The following ATG10 variants were observed in gnomAD, a reference collection of about 807,000 sequenced individuals.
ATG10 encodes autophagy related 10, also known as ubiquitin-like-conjugating enzyme ATG10.
In ATG10, 30 loss-of-function variants were observed where a neutral mutation model predicts 32.1. The ratio of observed to expected loss-of-function variants is 0.94; its 90% CI spans 0.70 to 1.27. The LOEUF (loss-of-function observed/expected upper bound fraction) is 1.27, where lower values mean the gene tolerates loss of function less well. Ranked by LOEUF, ATG10 falls within the 50% of genes most tolerant of loss-of-function variation. ATG10 has a pLI of 0.00. For missense variants in ATG10, 233 were observed against 262.3 expected, an observed-to-expected ratio of 0.89 and a Z score of 0.77; for synonymous variants, 87 against 91.5, an observed-to-expected ratio of 0.95 and a Z score of 0.28.
intron 2 of ATG10, among the ~76,000 whole-genome samples, chr5:82,022,022 CAAA>C (rs1218669453): frequency 1.8e-4 from 20 of 109,816 alleles, no homozygotes; most frequent in African/African-American, 5.7e-4. Context: ...GACGCTGTCT[CAAA>C]AAAAAAAAAA....
intron 2 of ATG10, among the ~76,000 whole-genome samples, chr5:82,058,084 A>C (rs1053848567): frequency 2.6e-5 from 4 of 152,220 alleles, no homozygotes; most frequent in Non-Finnish European, 5.9e-5. Flanking sequence ...CTTGAGAAAG[A>C]AATTGAAATG....
At chr5:82,177,010 T>C (rs1207325735) in intron 4 of ATG10, among the ~76,000 whole-genome samples, 1 of 152,218 alleles carries the variant, frequency 6.6e-6, no homozygotes, top group Admixed American at 6.5e-5. Context: ...AAAGATGATA[T>C]GCACGGTATA....
intron 5 of ATG10, among the ~76,000 whole-genome samples, chr5:82,189,620 T>C (rs1029097746): frequency 3.3e-5 from 5 of 152,168 alleles, no homozygotes; most frequent in Non-Finnish European, 7.4e-5. Context: ...TTTAACTTTG[T>C]TTTTGTTTTT....
At chr5:82,061,662 TATAC>T (rs1763777830) in intron 3 of ATG10, among the ~76,000 whole-genome samples, 1 of 149,238 alleles carries the variant, frequency 6.7e-6, no homozygotes, top group Non-Finnish European at 1.5e-5. Flanking sequence ...ATATGTGTAT[TATAC>T]ATATATACTA....
At chr5:82,022,579 TC>T (rs35759085) in intron 2 of ATG10, among the ~76,000 whole-genome samples, 50 of 151,238 alleles carry the variant, frequency 3.3e-4, no homozygotes, top group African/African-American at 1.0e-3. Flanking sequence ...TGCCTCAGCA[TC>T]CCAAAGTGCT....
intron 5 of ATG10, among the ~76,000 whole-genome samples, chr5:82,241,523 T>A (rs1290568260): frequency 6.6e-6 from 1 of 152,158 alleles, no homozygotes; most frequent in Non-Finnish European, 1.5e-5. Flanking sequence ...TTACTTCCAC[T>A]GTCATTCCTC....
At position 82,255,492 on chromosome 5, in the gene ATG10, T is replaced by G. The variant is rs1216070089; in HGVS notation, c.*1429T>G. ...TGGCTTTTTAGAGAGTCTAGATTAG[T>G]GTGTCTTTGAATGAGGGATATACTT... On this transcript the variant is annotated 3_prime_UTR_variant, in exon 8 of 8. Coordinates refer to ENST00000282185, the MANE Select transcript of ATG10 (RefSeq NM_031482.5). The G allele has an allele frequency of 6.6e-6, 1 of 152,158 alleles. No homozygotes were observed. The highest frequency in any genetic ancestry group is 1.9e-4 in the East Asian group (1 of 5,198). The allele number at this position is 152,158 out of a possible 1,614,324, so 9.4% of individuals were successfully genotyped here.
chr5:82,217,461 A>T (rs1745734309), intron 5 of ATG10, among the ~76,000 whole-genome samples: 1 of 152,268 alleles, frequency 6.6e-6, no homozygotes, highest in South Asian at 2.1e-4. Flanking sequence ...TATAATTCTT[A>T]TAAGGTATAA....
intron 5 of ATG10, among the ~76,000 whole-genome samples, chr5:82,191,064 C>T (rs1378792271): frequency 1.3e-5 from 2 of 152,076 alleles, no homozygotes; most frequent in Non-Finnish European, 2.9e-5. Flanking sequence ...TTCTAAGATG[C>T]CAGCAGTGTC....
intron 2 of ATG10, among the ~76,000 whole-genome samples, chr5:82,038,418 A>T (rs1358527782): frequency 6.6e-6 from 1 of 152,232 alleles, no homozygotes; most frequent in African/African-American, 2.4e-5. Flanking sequence ...TGCGGAGTTA[A>T]GTGTGGAATT....
Position 82,065,481 on chromosome 5 carries a change from C to CA in ATG10, c.216+6893dup, listed in dbSNP as rs770536685. Among the ~76,000 whole-genome samples, 1,165 of 119,352 alleles carry CA rather than the reference C, an allele frequency of 9.8e-3. 7 individuals carry two copies. The highest frequency in any genetic ancestry group is 0.018 in the African/African-American group (571 of 32,284). 78.3% of individuals were successfully genotyped at this position (119,352 alleles called of 152,430 possible). A position where few individuals can be genotyped will look rare whatever the true frequency, so the allele number is the denominator to read the frequency against. Reference sequence around the variant, plus strand: ...TGGGCGAGAGAGCAAGACATTGTCTCAAAAAAAAAAAAAATCCTAAAAATA... The same window carrying CA: ...TGGGCGAGAGAGCAAGACATTGTCTCAAAAAAAAAAAAAAATCCTAAAAATA... On this transcript the variant is annotated intron_variant, in intron 3 of 7. Transcript: ENST00000282185.
intron 2 of ATG10, among the ~76,000 whole-genome samples, chr5:82,031,452 C>T (rs554330377): frequency 6.6e-6 from 1 of 152,234 alleles, no homozygotes; most frequent in South Asian, 2.1e-4. Flanking sequence ...CTTGGGGCCA[C>T]AGAGGTGAAG....
intron 5 of ATG10, among the ~76,000 whole-genome samples, chr5:82,231,505 T>A (rs985211190): frequency 6.6e-6 from 1 of 152,220 alleles, no homozygotes; most frequent in Non-Finnish European, 1.5e-5. Flanking sequence ...GAGCGTATGA[T>A]TTCTCAATAC....
intron 3 of ATG10, among the ~76,000 whole-genome samples, chr5:82,138,109 A>C (rs1426060965): frequency 6.6e-6 from 1 of 152,182 alleles, no homozygotes; most frequent in East Asian, 1.9e-4. Flanking sequence ...TTGACTTCAG[A>C]CTGCTGTGCT....
chr5:82,108,421 C>G lies in ATG10; in HGVS notation c.216+49819C>G, dbSNP rs1765505759. 1.3e-5 allele frequency among the ~76,000 whole-genome samples: 2 copies of G among 151,576 alleles called. 1 individual carries two copies. The highest frequency in any genetic ancestry group is 4.8e-5 in the African/African-American group (2 of 41,288). On this transcript the variant is annotated intron_variant, in intron 3 of 7. Transcript: ENST00000282185. ...ACACAGTATATGCAATAATACTGCT[C>G]TTATATAATATTTATGTACATATCA...
intron 3 of ATG10, among the ~76,000 whole-genome samples, chr5:82,109,714 C>A (rs1318470275): frequency 6.6e-6 from 1 of 151,588 alleles, no homozygotes; most frequent in Non-Finnish European, 1.5e-5. Context: ...GAATTTTCTT[C>A]CCTTTCTAAT....
intron 5 of ATG10, among the ~76,000 whole-genome samples, chr5:82,187,405 G>A (rs1476050324): frequency 6.6e-6 from 1 of 151,076 alleles, no homozygotes; most frequent in Non-Finnish European, 1.5e-5. Flanking sequence ...CAGCTACTTG[G>A]GAGGGTGAGG....
At chr5:82,108,001 T>C (rs1043812823) in intron 3 of ATG10, among the ~76,000 whole-genome samples, 9 of 151,996 alleles carry the variant, frequency 5.9e-5, no homozygotes, top group Non-Finnish European at 1.2e-4. Flanking sequence ...AGATAGAACC[T>C]GGTTGATAGA....
chr5:81,986,570 T>C (rs1352594049), intron 1 of ATG10, among the ~76,000 whole-genome samples: 1 of 152,138 alleles, frequency 6.6e-6, no homozygotes, highest in Non-Finnish European at 1.5e-5. Flanking sequence ...TAGATTATAC[T>C]GAATTTGAAT....
Sources: gnomAD v4.1 joint callset for allele counts (sites outside exome capture counted in the v4.1 genomes callset) on GRCh38, gnomAD v4.1.1 for gene constraint, MANE v1.5 for transcripts, NCBI Gene and HGNC (gene_info 2026-07-23, HGNC 2026-07-21) for gene names.